TECPR2: variants seen among roughly 807,000 people sequenced by gnomAD.
TECPR2 encodes tectonin beta-propeller repeat-containing protein 2.
A neutral mutation model predicts 138.1 loss-of-function variants in TECPR2; 65 were observed. The observed-to-expected ratio is 0.47, with a 90% CI of 0.39 to 0.58. TECPR2 has a LOEUF of 0.58. TECPR2 is among the 20% of genes least tolerant of loss of function. The pLI is 0.00. For synonymous variants in TECPR2, 746 were observed against 749.8 expected (o/e 0.99, Z 0.08); for missense variants, 1,553 against 1,824.5 (o/e 0.85, Z 2.71).
intron 9 of TECPR2, chr14:102,437,211 G>C: frequency 1.0e-6 from 1 of 981,578 alleles, no homozygotes; most frequent in Non-Finnish European, 1.2e-6. Context: ...TTATTGAAAA[G>C]TATTAAAGTA....
At chr14:102,386,776 T>C (rs1322011622) in intron 2 of TECPR2, among the ~76,000 whole-genome samples, 1 of 152,214 alleles carries the variant, frequency 6.6e-6, no homozygotes, top group Non-Finnish European at 1.5e-5. Flanking sequence ...TGCCAGTTAT[T>C]AGTGGTTTAA....
In TECPR2 at chr14:102,426,175, C is replaced by T. The variant is rs538370460; in HGVS notation, c.951+884C>T. Reference sequence around the variant, plus strand: ...TGCTGGGGTTACAGGCGTGAACCGCCGCGCCCGGCCGCCACTTGGTTTTTT... The same window carrying T: ...TGCTGGGGTTACAGGCGTGAACCGCTGCGCCCGGCCGCCACTTGGTTTTTT... On this transcript the variant is annotated intron_variant, in intron 6 of 19. Coordinates refer to ENST00000359520, the MANE Select transcript of TECPR2 (RefSeq NM_014844.5). Among the ~76,000 whole-genome samples, 527 of 151,894 alleles carry T rather than the reference C, an allele frequency of 3.5e-3. 5 individuals carry two copies. Among genetic ancestry groups the T allele is most frequent in the African/African-American group, 0.012 (488 of 41,468 alleles).
At chr14:102,372,035 G>T (rs1887519955) in intron 1 of TECPR2, among the ~76,000 whole-genome samples, 1 of 152,204 alleles carries the variant, frequency 6.6e-6, no homozygotes, top group East Asian at 1.9e-4. Flanking sequence ...CACCCAGGCT[G>T]GAGTACAGTG....
chr14:102,487,513 AG>A (rs1477211298), intron 17 of TECPR2, among the ~76,000 whole-genome samples: 2 of 152,112 alleles, frequency 1.3e-5, no homozygotes, highest in African/African-American at 4.8e-5. Context: ...CTGTGGTCTG[AG>A]CCCCAGACAC....
At chr14:102,482,330 A>G (rs1567359943) in intron 17 of TECPR2, among the ~76,000 whole-genome samples, 1 of 152,222 alleles carries the variant, frequency 6.6e-6, no homozygotes, top group Non-Finnish European at 1.5e-5. Flanking sequence ...TGCTGGGATT[A>G]CAGGCATGAG....
chr14:102,432,023 C>T lies in TECPR2; in HGVS notation c.1312C>T (p.Gln438Ter). 6.2e-7 allele frequency: 1 copy of T among 1,612,986 alleles called. No homozygotes were observed. Among genetic ancestry groups the T allele is most frequent in the Non-Finnish European group, 8.5e-7 (1 of 1,179,966 alleles). Residue 438 changes from glutamine (Q) to a stop codon, truncating the protein, a stop_gained, in exon 8 of 20, where the codon CAG (glutamine) becomes TAG (stop). Coordinates refer to ENST00000359520, the MANE Select transcript of TECPR2 (RefSeq NM_014844.5). LOFTEE classifies it high-confidence loss of function. ...QATPELGKGS[Q>*]PLSQRFNAIS... Reference sequence around the variant, plus strand: ...CACCCCTGAGCTGGGCAAGGGCAGCCAGCCCCTGTCACAGAGATTCAACGC... The same window carrying T: ...CACCCCTGAGCTGGGCAAGGGCAGCTAGCCCCTGTCACAGAGATTCAACGC...
intron 17 of TECPR2, among the ~76,000 whole-genome samples, chr14:102,466,064 A>G (rs1890545604): frequency 6.6e-6 from 1 of 152,118 alleles, no homozygotes; most frequent in South Asian, 2.1e-4. Context: ...GGGCAGAGAA[A>G]CCTTCAGTGG....
intron 4 of TECPR2, among the ~76,000 whole-genome samples, chr14:102,413,912 C>T (rs897730565): frequency 5.3e-5 from 8 of 151,912 alleles, no homozygotes; most frequent in African/African-American, 1.2e-4. Flanking sequence ...ATCCTTCTGT[C>T]TCAGCCTCCC....
intron 13 of TECPR2, 58 bp from the exon 14 acceptor site, chr14:102,449,571 A>G (rs976528510): frequency 8.8e-6 from 14 of 1,599,724 alleles, no homozygotes; most frequent in Non-Finnish European, 1.1e-5. Flanking sequence ...CTCAAGGCAG[A>G]GAGTCTACAC....
chr14:102,389,624 T>C (rs553394407), intron 2 of TECPR2, among the ~76,000 whole-genome samples: 2 of 152,172 alleles, frequency 1.3e-5, no homozygotes, highest in Admixed American at 6.5e-5. Context: ...TGGATATGAA[T>C]GGGAAGAAAA....
At chr14:102,395,135 CT>C (rs1305261616) in intron 2 of TECPR2, among the ~76,000 whole-genome samples, 5 of 152,166 alleles carry the variant, frequency 3.3e-5, no homozygotes, top group Non-Finnish European at 7.3e-5. Context: ...ACCCTGAAAG[CT>C]TTCAAGTACC....
intron 17 of TECPR2, among the ~76,000 whole-genome samples, chr14:102,471,336 C>G (rs1312790591): frequency 6.6e-6 from 1 of 152,086 alleles, no homozygotes; most frequent in Non-Finnish European, 1.5e-5. Flanking sequence ...TTGTTGGCAT[C>G]CAATTGTTCA....
chr14:102,497,673 C>T lies in TECPR2; in HGVS notation c.4035C>T (p.Ala1345=), dbSNP rs376614211. ...ACGGCGTCACAGACAAGAACCCCGC[C>T]GGGGACTACTGGAAGAAAATTCCCG... The part of the protein sequence containing the change: ...RRYGVTDKNP[A]GDYWKKIPGS... Residue 1345 remains alanine (A), a synonymous_variant, in exon 19 of 20, where the codon GCC becomes GCT. Transcript: ENST00000359520. The T allele has an allele frequency of 1.7e-4, 273 of 1,609,086 alleles. No homozygotes were observed. Among genetic ancestry groups the T allele is most frequent in the African/African-American group, 6.4e-4 (48 of 74,866 alleles).
intron 19 of TECPR2, 97 bp from the exon 20 acceptor site, chr14:102,498,006 G>GCAGACCT: frequency 1.2e-6 from 1 of 827,108 alleles, no homozygotes; most frequent in South Asian, 2.3e-5. Flanking sequence ...CCTAGAATGT[G>GCAGACCT]GCAAGCCCAG....
chr14:102,376,310 A>T (rs1286488490), intron 1 of TECPR2, among the ~76,000 whole-genome samples: 1 of 152,124 alleles, frequency 6.6e-6, no homozygotes, highest in Non-Finnish European at 1.5e-5. Context: ...CCCACAAATT[A>T]TCACCTCATT....
intron 11 of TECPR2, among the ~76,000 whole-genome samples, chr14:102,442,570 T>C (rs1431490839): frequency 6.6e-6 from 1 of 152,180 alleles, no homozygotes; most frequent in Non-Finnish European, 1.5e-5. Flanking sequence ...GCGAGTGACC[T>C]CTAAACCAGT....
At position 102,425,219 on chromosome 14, in the gene TECPR2, A is replaced by G. The variant is rs770891190; in HGVS notation, c.879A>G (p.Ser293=). The G allele has an allele frequency of 3.7e-5, 59 of 1,613,782 alleles. No individual in the cohort carries two copies. The highest frequency in any genetic ancestry group is 4.6e-5 in the Non-Finnish European group (54 of 1,179,840). Residue 293 remains serine, a synonymous_variant, in exon 6 of 20, where the codon TCA becomes TCG. Coordinates refer to ENST00000359520, the MANE Select transcript of TECPR2 (RefSeq NM_014844.5). ...SLPERHLGLV[S]CFFQEGWVLS... is the part of the protein sequence containing the mutation. ...CTGAGAGGCACCTGGGGCTTGTTTC[A>G]TGTTTCTTTCAAGAAGGCTGGGTGC...
intron 2 of TECPR2, among the ~76,000 whole-genome samples, chr14:102,403,709 T>A (rs1888562743): frequency 6.6e-6 from 1 of 152,112 alleles, no homozygotes; most frequent in Non-Finnish European, 1.5e-5. Flanking sequence ...CAAAAATCAG[T>A]TGCATTTCTA....
chr14:102,438,483 T>G, intron 10 of TECPR2: 1 of 350,458 alleles, frequency 2.9e-6, no homozygotes, highest in Non-Finnish European at 5.1e-6. Flanking sequence ...GATCGTATTT[T>G]TGTAAGCTAG....
Sources: allele counts gnomAD v4.1 joint callset (sites outside exome capture counted in the v4.1 genomes callset), GRCh38; gene constraint gnomAD v4.1.1; transcripts MANE v1.5; gene names NCBI Gene and HGNC (gene_info 2026-07-23, HGNC 2026-07-21).